Variants in KIRREL1 observed in about 807,000 individuals in gnomAD.
KIRREL1 encodes kirre like nephrin family adhesion molecule 1.
Under a neutral mutation model 83.3 loss-of-function variants are expected in KIRREL1, and 25 were observed. That is an observed-to-expected ratio of 0.30 (90% confidence interval 0.22 to 0.42). KIRREL1 has a LOEUF of 0.42. Ranked by LOEUF, KIRREL1 falls within the 10% of genes least tolerant of loss-of-function variation. KIRREL1 has a pLI of 1.00. For synonymous variants in KIRREL1, 388 were observed against 410.4 expected (o/e 0.95, Z 0.66); for missense variants, 812 against 1,032.3 (o/e 0.79, Z 2.92).
chr1:158,064,466 A>G (rs1661307868), intron 1 of KIRREL1, among the ~76,000 whole-genome samples: 1 of 152,198 alleles, frequency 6.6e-6, no homozygotes, highest in South Asian at 2.1e-4. Context: ...CAAAGTAAGA[A>G]GAAAATTTAT....
intron 1 of KIRREL1, among the ~76,000 whole-genome samples, chr1:158,013,384 T>A (rs1346657334): frequency 1.3e-5 from 2 of 151,398 alleles, no homozygotes; most frequent in African/African-American, 4.8e-5. Context: ...ATGCCATGTT[T>A]GTGATGAGGA....
intron 1 of KIRREL1, among the ~76,000 whole-genome samples, chr1:158,069,875 G>C (rs1238155335): frequency 6.6e-6 from 1 of 152,192 alleles, no homozygotes; most frequent in African/African-American, 2.4e-5. Flanking sequence ...GTGGATTAGT[G>C]AGCTGCACAG....
intron 3 of KIRREL1, among the ~76,000 whole-genome samples, chr1:158,081,272 C>T (rs1661846453): frequency 6.6e-6 from 1 of 152,222 alleles, no homozygotes; most frequent in Non-Finnish European, 1.5e-5. Context: ...CTCTTCGAGC[C>T]TCCGTTCCTT....
Position 158,078,082 on chromosome 1 carries a change from C to T in KIRREL1, c.294C>T (p.Tyr98=), listed in dbSNP as rs776450821. The change falls in exon 3 of 15, where the codon TAC becomes TAT. Residue 98 remains tyrosine (Y), a synonymous_variant. Coordinates refer to ENST00000359209, the MANE Select transcript of KIRREL1 (RefSeq NM_018240.7). Reference sequence around the variant, plus strand: ...CTGAGCTCTCTGACGACGCCTCTTACGAGTGCCAGGCCACGGAGGCCGCCC... The same window carrying T: ...CTGAGCTCTCTGACGACGCCTCTTATGAGTGCCAGGCCACGGAGGCCGCCC... The part of the protein sequence containing the change: ...TDAELSDDAS[Y]ECQATEAALR... 1.3e-5 allele frequency: 21 copies of T among 1,614,034 alleles called. No individual in the cohort carries two copies. The highest frequency in any genetic ancestry group is 6.7e-5 in the East Asian group (3 of 44,896).
chr1:158,012,729 T>TA (rs962522063), intron 1 of KIRREL1, among the ~76,000 whole-genome samples: 28 of 152,368 alleles, frequency 1.8e-4, no homozygotes, highest in African/African-American at 6.3e-4. Context: ...GTAAAGTCTA[T>TA]AGGGGCAAGG....
intron 1 of KIRREL1, among the ~76,000 whole-genome samples, chr1:158,058,891 A>G (rs1661136945): frequency 6.6e-6 from 1 of 152,090 alleles, no homozygotes; most frequent in Non-Finnish European, 1.5e-5. Flanking sequence ...AACAGAACAT[A>G]ATACTGAGCT....
At chr1:158,079,314 T>G (rs1171889847) in intron 3 of KIRREL1, among the ~76,000 whole-genome samples, 1 of 151,964 alleles carries the variant, frequency 6.6e-6, no homozygotes, top group African/African-American at 2.4e-5. Flanking sequence ...GTTTGTTTGG[T>G]TGGTTGGTTG....
intron 1 of KIRREL1, among the ~76,000 whole-genome samples, chr1:158,038,626 AT>A (rs1660539999): frequency 6.6e-6 from 1 of 150,808 alleles, no homozygotes; most frequent in Non-Finnish European, 1.5e-5. Flanking sequence ...GTGTCTAGCC[AT>A]TCTCTTCCTC....
At chr1:158,032,587 G>C (rs888648957) in intron 1 of KIRREL1, among the ~76,000 whole-genome samples, 4 of 152,162 alleles carry the variant, frequency 2.6e-5, no homozygotes, top group Non-Finnish European at 4.4e-5. Context: ...GTGTGGAAAA[G>C]GAAGTCCATT....
rs36008419 is a variant in KIRREL1 at position 158,087,843 on chromosome 1, C to G, written c.750C>G (p.Pro250=). The G allele has an allele frequency of 0.2, 329,808 of 1,612,956 alleles. 35,060 individuals carry two copies. The highest frequency in any genetic ancestry group is 0.29 in the Middle Eastern group (1,760 of 6,052). ...VVFTCQATAN[P]EILGYRWAKG... is the part of the protein sequence containing the mutation. ...TTACCTGCCAGGCCACAGCCAACCC[C>G]GAGATCTTGGGCTACAGGTGAGGGG... is the stretch of plus-strand genomic sequence containing the variant. The change falls in exon 6 of 15, where the codon CCC becomes CCG. Residue 250 remains proline (P), a synonymous_variant. Transcript: ENST00000359209.
At chr1:158,020,450 C>A (rs1003853470) in intron 1 of KIRREL1, among the ~76,000 whole-genome samples, 3 of 152,014 alleles carry the variant, frequency 2.0e-5, no homozygotes, top group African/African-American at 7.2e-5. Flanking sequence ...AAAGATCATA[C>A]ATTCTGTTTT....
chr1:158,019,548 A>G (rs986133714), intron 1 of KIRREL1, among the ~76,000 whole-genome samples: 3 of 152,204 alleles, frequency 2.0e-5, no homozygotes, highest in African/African-American at 7.2e-5. Context: ...GACACATCCC[A>G]GGCTGAGCTC....
chr1:158,070,834 G>A (rs533730448), intron 1 of KIRREL1, among the ~76,000 whole-genome samples: 47 of 152,206 alleles, frequency 3.1e-4, no homozygotes, highest in Non-Finnish European at 4.1e-4. Flanking sequence ...GAGCTGCCAC[G>A]CCAAATTCCC....
chr1:158,048,391 TTAGCTG>T (rs1345917851), intron 1 of KIRREL1, among the ~76,000 whole-genome samples: 1 of 152,244 alleles, frequency 6.6e-6, no homozygotes, highest in East Asian at 1.9e-4. Flanking sequence ...GTGGCCATGC[TTAGCTG>T]CTGTGCTCCA....
chr1:158,024,429 C>T (rs1157492100), intron 1 of KIRREL1, among the ~76,000 whole-genome samples: 2 of 151,682 alleles, frequency 1.3e-5, no homozygotes, highest in African/African-American at 4.8e-5. Flanking sequence ...TAGGTGTGTG[C>T]CACCACACTC....
Position 158,087,750 on chromosome 1 carries a change from T to G in KIRREL1, c.662-5T>G, listed in dbSNP as rs766070358. On this transcript the variant is annotated splice_region_variant and splice_polypyrimidine_tract_variant and intron_variant, in intron 5 of 14. Transcript: ENST00000359209. ...GACCCTGACTCCCTGTGCTCTACTTTGCAGACCCTCCTACAGTGACCCTGT... is the reference window on the plus strand; with the variant it reads ...GACCCTGACTCCCTGTGCTCTACTTGGCAGACCCTCCTACAGTGACCCTGT... 1.7e-5 allele frequency: 27 copies of G among 1,611,226 alleles called. No homozygotes were observed. Among genetic ancestry groups the G allele is most frequent in the Non-Finnish European group, 2.3e-5 (27 of 1,177,998 alleles).
intron 1 of KIRREL1, among the ~76,000 whole-genome samples, chr1:158,054,823 C>T (rs1661008036): frequency 6.6e-6 from 1 of 152,130 alleles, no homozygotes; most frequent in Non-Finnish European, 1.5e-5. Flanking sequence ...TATCAAGTAC[C>T]TACTCCTGCA....
At chr1:158,073,603 A>G (rs1391004989) in intron 1 of KIRREL1, among the ~76,000 whole-genome samples, 1 of 152,182 alleles carries the variant, frequency 6.6e-6, no homozygotes, top group Non-Finnish European at 1.5e-5. Flanking sequence ...TATAAACCAC[A>G]GTCTGTCTCC....
At chr1:158,074,528 G>A (rs556898221) in intron 1 of KIRREL1, among the ~76,000 whole-genome samples, 2 of 152,280 alleles carry the variant, frequency 1.3e-5, no homozygotes, top group South Asian at 2.1e-4. Flanking sequence ...CCTACTAGTT[G>A]CCCTCTACCC....
Sources: gnomAD v4.1 joint callset for allele counts (sites outside exome capture counted in the v4.1 genomes callset) on GRCh38, gnomAD v4.1.1 for gene constraint, MANE v1.5 for transcripts, NCBI Gene and HGNC (gene_info 2026-07-23, HGNC 2026-07-21) for gene names.